The following EPHB1 variants were observed in gnomAD, a reference collection of about 807,000 sequenced individuals.
The protein encoded by EPHB1 is ephrin type-B receptor 1.
Under a neutral mutation model 94.4 loss-of-function variants are expected in EPHB1, and 30 were observed. The ratio of observed to expected loss-of-function variants is 0.32; its 90% CI spans 0.24 to 0.43. The LOEUF (loss-of-function observed/expected upper bound fraction) is 0.43, where lower values mean the gene tolerates loss of function less well. EPHB1 is among the 20% of genes least tolerant of loss of function. EPHB1 has a pLI of 1.00. For missense variants in EPHB1, 1,055 were observed against 1,308.3 expected (o/e 0.81, Z 2.99); for synonymous variants, 522 against 489.1 (o/e 1.07, Z -0.89).
At chr3:134,887,781 G>T (rs2037889718) in intron 1 of EPHB1, among the ~76,000 whole-genome samples, 1 of 152,224 alleles carries the variant, frequency 6.6e-6, no homozygotes, top group African/African-American at 2.4e-5. Context: ...AGAGCTCCTT[G>T]TAAGGAGAGA....
chr3:134,801,009 G>T (rs142247325), intron 1 of EPHB1, among the ~76,000 whole-genome samples: 1,783 of 152,300 alleles, frequency 0.012, 40 homozygotes, highest in African/African-American at 0.039. Context: ...TGAAGGCTTT[G>T]CATGAAGGAA....
At chr3:135,237,024 G>T (rs980657132) in intron 12 of EPHB1, among the ~76,000 whole-genome samples, 26 of 152,244 alleles carry the variant, frequency 1.7e-4, no homozygotes, top group African/African-American at 6.0e-4. Flanking sequence ...GACATCCATT[G>T]CCCATTGAGA....
chr3:135,016,822 T>C (rs1935812660), intron 3 of EPHB1, among the ~76,000 whole-genome samples: 1 of 152,204 alleles, frequency 6.6e-6, no homozygotes, highest in African/African-American at 2.4e-5. Context: ...ATCCCATCCA[T>C]GTGATGTCTC....
chr3:135,154,475 A>G (rs1046469983), intron 6 of EPHB1, 199 bp downstream of exon 6: 12 of 618,210 alleles, frequency 1.9e-5, no homozygotes, highest in African/African-American at 1.3e-4. Flanking sequence ...TTCTGTGCCA[A>G]CTAAGGAGAG....
At chr3:135,234,934 A>G (rs1173957964) in intron 12 of EPHB1, among the ~76,000 whole-genome samples, 2 of 152,244 alleles carry the variant, frequency 1.3e-5, no homozygotes, top group African/African-American at 4.8e-5. Flanking sequence ...GCCAAACCAT[A>G]TCACTTGCCA....
In EPHB1 at chr3:135,179,906, TC is replaced by T; in HGVS notation, c.1809del (p.Asn604ThrfsTer16). ...ACATTGACCCCTTCACTTACGAGGATCCCAACGAAGCTGTCCGGGAGTTTGC... is the reference window on the plus strand; with the variant it reads ...ACATTGACCCCTTCACTTACGAGGATCCAACGAAGCTGTCCGGGAGTTTGC... ...IYIDPFTYED[P>X]NEAVREFAKE... On this transcript the variant is annotated frameshift_variant, in exon 10 of 16. Coordinates refer to ENST00000398015, the MANE Select transcript of EPHB1 (RefSeq NM_004441.5). LOFTEE classifies it high-confidence loss of function. The T allele has an allele frequency of 6.2e-7, 1 of 1,613,964 alleles. No homozygotes were observed. The highest frequency in any genetic ancestry group is 8.5e-7 in the Non-Finnish European group (1 of 1,179,846).
At chr3:134,804,209 G>A (rs1049537707) in intron 1 of EPHB1, among the ~76,000 whole-genome samples, 5 of 150,718 alleles carry the variant, frequency 3.3e-5, no homozygotes, top group African/African-American at 1.2e-4. Flanking sequence ...ACATGGCTGG[G>A]GAGGCCTCAG....
chr3:135,252,197 ATTT>A (rs1349906092), intron 15 of EPHB1, among the ~76,000 whole-genome samples: 3 of 151,018 alleles, frequency 2.0e-5, no homozygotes, highest in African/African-American at 7.3e-5. Flanking sequence ...TTTTATTTTT[ATTT>A]TTTAATATTT....
intron 14 of EPHB1, 138 bp from the exon 15 acceptor site, chr3:135,249,198 G>A (rs1932955519): frequency 2.0e-6 from 2 of 996,236 alleles, no homozygotes; most frequent in Non-Finnish European, 1.4e-6. Flanking sequence ...GAAGAAGAAA[G>A]GTTCAGCCCA....
intron 3 of EPHB1, among the ~76,000 whole-genome samples, chr3:135,069,830 A>G (rs1350536756): frequency 2.0e-5 from 3 of 152,190 alleles, no homozygotes; most frequent in African/African-American, 4.8e-5. Flanking sequence ...TGATTAAAAA[A>G]AAAAGCTAGA....
chr3:134,909,225 G>A (rs1002541161), intron 1 of EPHB1, among the ~76,000 whole-genome samples: 58 of 152,114 alleles, frequency 3.8e-4, no homozygotes, highest in African/African-American at 1.4e-3. Flanking sequence ...CATGGAGAAA[G>A]GGGAGTAGTT....
At position 134,819,611 on chromosome 3, in the gene EPHB1, C is replaced by A. The variant is rs377530588; in HGVS notation, c.58+23922C>A. On this transcript the variant is annotated intron_variant, in intron 1 of 15. Coordinates refer to ENST00000398015, the MANE Select transcript of EPHB1 (RefSeq NM_004441.5). ...GTTTCCTCCCTTCTCTGTGCCTCTT[C>A]TCTCCCTTCTCAATGCAGCAGTGTG... Among the ~76,000 whole-genome samples, 28 of 152,278 alleles carry A rather than the reference C, an allele frequency of 1.8e-4. No homozygotes were observed. The East Asian group carries it at 5.2e-3, about 28-fold the overall frequency.
chr3:134,841,008 C>G (rs1325075038), intron 1 of EPHB1, among the ~76,000 whole-genome samples: 1 of 152,190 alleles, frequency 6.6e-6, no homozygotes, highest in East Asian at 1.9e-4. Flanking sequence ...CAATGCCTGC[C>G]CTATCTTGGG....
chr3:135,259,028 G>T lies in EPHB1; in HGVS notation c.2863G>T (p.Gly955Cys). 1 of 1,608,270 alleles carries T rather than the reference G, an allele frequency of 6.2e-7. No individual in the cohort carries two copies. Reference protein sequence around the residue: ...QMTSEDLLRIGITLAGHQKKI... With the variant: ...QMTSEDLLRICITLAGHQKKI... ...TCCTCCTAGAGACCTCCTGAGAATAGGCATCACCTTGGCAGGCCATCAGAA... is the reference window on the plus strand; with the variant it reads ...TCCTCCTAGAGACCTCCTGAGAATATGCATCACCTTGGCAGGCCATCAGAA... The change falls in exon 16 of 16, where the codon GGC (glycine) becomes TGC (cysteine). Residue 955 changes from glycine to cysteine, a missense_variant. Coordinates refer to ENST00000398015, the MANE Select transcript of EPHB1 (RefSeq NM_004441.5).
chr3:135,022,368 T>G lies in EPHB1; in HGVS notation c.805+70316T>G, dbSNP rs1466344082. Among the ~76,000 whole-genome samples, 3 of 152,248 alleles carry G rather than the reference T, an allele frequency of 2.0e-5. No homozygotes were observed. The East Asian group carries it at 5.8e-4, about 29-fold the overall frequency. ...TTAGTTACATTGCCACATTTTGGTATAAGATTTTTACTAACTTCATAAAAT... is the reference window on the plus strand; with the variant it reads ...TTAGTTACATTGCCACATTTTGGTAGAAGATTTTTACTAACTTCATAAAAT... On this transcript the variant is annotated intron_variant, in intron 3 of 15. Transcript: ENST00000398015.
intron 5 of EPHB1, among the ~76,000 whole-genome samples, chr3:135,134,560 A>G (rs1940546146): frequency 6.6e-6 from 1 of 152,176 alleles, no homozygotes; most frequent in African/African-American, 2.4e-5. Flanking sequence ...ATACGTGTGT[A>G]GTGAGAAAAT....
intron 12 of EPHB1, among the ~76,000 whole-genome samples, chr3:135,213,386 A>G (rs188203626): frequency 4.6e-5 from 7 of 152,318 alleles, no homozygotes; most frequent in African/African-American, 1.7e-4. Flanking sequence ...GGTTTACGCA[A>G]CTTTGTTTTT....
rs923008797 is a variant in EPHB1 at position 135,015,063 on chromosome 3, C to T, written c.805+63011C>T. On this transcript the variant is annotated intron_variant, in intron 3 of 15. Transcript: ENST00000398015. ...TGTTAGAAACTCCCGTGTATGGCAC[C>T]CCAGCCTCACAGGACCTCACCTCCA... 4.6e-5 allele frequency among the ~76,000 whole-genome samples: 7 copies of T among 152,030 alleles called. No homozygotes were observed. The South Asian group carries it at 1.2e-3, about 27-fold the overall frequency.
At chr3:134,802,368 CA>C (rs983754669) in intron 1 of EPHB1, among the ~76,000 whole-genome samples, 144 of 149,834 alleles carry the variant, frequency 9.6e-4, no homozygotes, top group African/African-American at 3.3e-3. Context: ...AAAAAAGAAG[CA>C]GGGGCTGACA....
Sources: allele counts gnomAD v4.1 joint callset (sites outside exome capture counted in the v4.1 genomes callset), GRCh38; gene constraint gnomAD v4.1.1; transcripts MANE v1.5; gene names NCBI Gene and HGNC (gene_info 2026-07-23, HGNC 2026-07-21).